Variants in ANKS1B observed in about 807,000 individuals in gnomAD.
The protein encoded by ANKS1B is ankyrin repeat and sterile alpha motif domain containing 1B.
ANKS1B carries 36 observed loss-of-function variants against 148.3 expected under a neutral mutation model. The ratio of observed to expected loss-of-function variants is 0.24; its 90% confidence interval spans 0.19 to 0.32. ANKS1B has a LOEUF of 0.32. Among genes scored for constraint, ANKS1B ranks in the 10% least tolerant of loss-of-function variants. The probability of loss-of-function intolerance (pLI) is 1.00; values close to 1 mark genes in which losing one functional copy is unlikely to be tolerated. For synonymous variants in ANKS1B, 542 were observed against 560.8 expected, an observed-to-expected ratio of 0.97 and a Z score of 0.47; for missense variants, 1,157 against 1,542.6, an observed-to-expected ratio of 0.75 and a Z score of 4.19.
chr12:99,972,667 T>A (rs1330688538), intron 1 of ANKS1B, among the ~76,000 whole-genome samples: 1 of 152,216 alleles, frequency 6.6e-6, no homozygotes, highest in African/African-American at 2.4e-5. Flanking sequence ...TAAATGCTGA[T>A]GCAGAAGCTG....
intron 22 of ANKS1B, among the ~76,000 whole-genome samples, chr12:98,793,326 A>C (rs1228297838): frequency 6.6e-6 from 1 of 152,198 alleles, no homozygotes; most frequent in Non-Finnish European, 1.5e-5. Context: ...GCCCATTTTA[A>C]AGTTGATTAT....
intron 17 of ANKS1B, among the ~76,000 whole-genome samples, chr12:98,967,863 T>C (rs1185456940): frequency 6.6e-6 from 1 of 151,438 alleles, no homozygotes; most frequent in Non-Finnish European, 1.5e-5. Flanking sequence ...GCTAACAGCA[T>C]ACACTCAGCT....
chr12:99,444,689 C>A (rs1194436505), intron 10 of ANKS1B, among the ~76,000 whole-genome samples: 1 of 151,922 alleles, frequency 6.6e-6, no homozygotes, highest in Non-Finnish European at 1.5e-5. Context: ...TTTATGAAAA[C>A]TGCTGCAAGC....
At chr12:99,752,702 CCT>C (rs1244168000) in intron 8 of ANKS1B, among the ~76,000 whole-genome samples, 1 of 151,202 alleles carries the variant, frequency 6.6e-6, no homozygotes, top group Non-Finnish European at 1.5e-5. Context: ...CACAATATAC[CCT>C]TATATATACA....
intron 17 of ANKS1B, among the ~76,000 whole-genome samples, chr12:98,874,657 C>T (rs1047176971): frequency 3.9e-5 from 6 of 152,058 alleles, no homozygotes; most frequent in Non-Finnish European, 7.4e-5. Flanking sequence ...GACAAAAAGA[C>T]TAGGAACCTG....
intron 12 of ANKS1B, among the ~76,000 whole-genome samples, chr12:99,309,301 T>C (rs1371744589): frequency 1.3e-5 from 2 of 152,076 alleles, no homozygotes; most frequent in African/African-American, 4.8e-5. Flanking sequence ...GGTTTATTTT[T>C]CAATTTTATG....
chr12:98,986,461 C>T (rs1337595033), intron 17 of ANKS1B, among the ~76,000 whole-genome samples: 1 of 152,014 alleles, frequency 6.6e-6, no homozygotes, highest in Non-Finnish European at 1.5e-5. Flanking sequence ...TATTCTTCTT[C>T]TGTGTTCAAG....
chr12:98,971,103 G>C (rs1230639201), intron 17 of ANKS1B, among the ~76,000 whole-genome samples: 1 of 152,174 alleles, frequency 6.6e-6, no homozygotes, highest in Non-Finnish European at 1.5e-5. Flanking sequence ...TCTGCCCCTT[G>C]CTGGCTGGGT....
At chr12:99,369,888 A>G (rs2093028761) in intron 12 of ANKS1B, among the ~76,000 whole-genome samples, 1 of 152,016 alleles carries the variant, frequency 6.6e-6, no homozygotes, top group African/African-American at 2.4e-5. Flanking sequence ...AGATAGATAG[A>G]TAGATAAAAT....
At chr12:99,606,579 A>G (rs1290060304) in intron 9 of ANKS1B, among the ~76,000 whole-genome samples, 1 of 152,060 alleles carries the variant, frequency 6.6e-6, no homozygotes, top group East Asian at 1.9e-4. Flanking sequence ...AGAAGACGCC[A>G]AAGTACATAA....
chr12:99,779,755 A>C, intron 6 of ANKS1B, 116 bp downstream of exon 6: 1 of 733,102 alleles, frequency 1.4e-6, no homozygotes, highest in Non-Finnish European at 2.3e-6. Context: ...GAAAAAAATA[A>C]AACTAGTAAG....
intron 17 of ANKS1B, among the ~76,000 whole-genome samples, chr12:99,043,939 T>C (rs2099960672): frequency 6.6e-6 from 1 of 152,238 alleles, no homozygotes; most frequent in Non-Finnish European, 1.5e-5. Context: ...GTAAAAAAAA[T>C]CTATCTGGCT....
chr12:99,713,491 A>C (rs2153539736), intron 8 of ANKS1B, among the ~76,000 whole-genome samples: 1 of 152,244 alleles, frequency 6.6e-6, no homozygotes, highest in South Asian at 2.1e-4. Context: ...CATTTTCAAC[A>C]GTTTGCTTGG....
chr12:99,827,033 T>TGC (rs1217492819), intron 1 of ANKS1B, among the ~76,000 whole-genome samples: 1 of 151,870 alleles, frequency 6.6e-6, no homozygotes, highest in African/African-American at 2.4e-5. Flanking sequence ...GTAGAAGGGT[T>TGC]GCTTCAGCCT....
intron 9 of ANKS1B, among the ~76,000 whole-genome samples, chr12:99,650,895 A>T (rs1396222515): frequency 1.1e-5 from 1 of 91,212 alleles, no homozygotes. Context: ...AATACATCAC[A>T]TGGTTTGAGA....
intron 1 of ANKS1B, among the ~76,000 whole-genome samples, chr12:99,975,952 GC>G (rs755816256): frequency 2.6e-4 from 39 of 152,140 alleles, no homozygotes; most frequent in Non-Finnish European, 3.5e-4. Flanking sequence ...CAATCTAGAT[GC>G]CCATCAATGG....
At chr12:99,609,162 C>G (rs143794544) in intron 9 of ANKS1B, among the ~76,000 whole-genome samples, 118 of 152,178 alleles carry the variant, frequency 7.8e-4, no homozygotes, top group African/African-American at 2.8e-3. Context: ...AACAGAGAAA[C>G]TCAGACACCT....
At chr12:99,150,904 T>G (rs1482260586) in intron 15 of ANKS1B, among the ~76,000 whole-genome samples, 1 of 152,004 alleles carries the variant, frequency 6.6e-6, no homozygotes, top group African/African-American at 2.4e-5. Context: ...AGGTGGGATC[T>G]GGGCAGATTT....
intron 8 of ANKS1B, among the ~76,000 whole-genome samples, chr12:99,745,482 T>C (rs1395687068): frequency 1.3e-5 from 2 of 152,328 alleles, no homozygotes; most frequent in Middle Eastern, 3.4e-3. Flanking sequence ...GTTTTATTCA[T>C]GTGGCTTCTC....
Sources: gnomAD v4.1 joint callset for allele counts (sites outside exome capture counted in the v4.1 genomes callset) on GRCh38, gnomAD v4.1.1 for gene constraint, MANE v1.5 for transcripts, NCBI Gene and HGNC (gene_info 2026-07-23, HGNC 2026-07-21) for gene names.